Variants in CTBP1 observed in about 807,000 individuals in gnomAD.
CTBP1 encodes the protein C-terminal-binding protein 1.
Under a neutral mutation model 42.1 loss-of-function variants are expected in CTBP1, and 11 were observed. The observed-to-expected ratio is 0.26, with a 90% CI of 0.16 to 0.43. The LOEUF is 0.43. CTBP1 is among the 20% of genes least tolerant of loss of function. The probability of loss-of-function intolerance (pLI) is 1.00; values close to 1 mark genes in which losing one functional copy is unlikely to be tolerated. For synonymous variants in CTBP1, 324 were observed against 277.1 expected, an observed-to-expected ratio of 1.17 and a Z score of -1.68; for missense variants, 399 against 624.3, an observed-to-expected ratio of 0.64 and a Z score of 3.85.
intron 6 of CTBP1, among the ~76,000 whole-genome samples, chr4:1,215,025 C>T (rs1448471983): frequency 6.6e-6 from 1 of 152,248 alleles, no homozygotes; most frequent in African/African-American, 2.4e-5. Flanking sequence ...TCCTGCAGCC[C>T]CCCCATTTCA....
intron 4 of CTBP1, among the ~76,000 whole-genome samples, chr4:1,227,648 G>T (rs1171824899): frequency 1.3e-5 from 2 of 150,168 alleles, no homozygotes; most frequent in Non-Finnish European, 3.0e-5. Flanking sequence ...CTAACTGCAT[G>T]TGCATGGGTG....
intron 1 of CTBP1, chr4:1,244,701 C>A (rs536453530): frequency 1.7e-4 from 168 of 985,294 alleles, no homozygotes; most frequent in Non-Finnish European, 2.0e-4. Context: ...GCGGCCCTCA[C>A]CCTGCCCTGT....
chr4:1,223,080 C>CAA (rs1560244181), intron 5 of CTBP1, among the ~76,000 whole-genome samples: 5 of 109,092 alleles, frequency 4.6e-5, no homozygotes, highest in African/African-American at 1.7e-4. Context: ...GAGGCACCGC[C>CAA]CCCTGGACAA....
chr4:1,240,736 T>C (rs1286349394), intron 2 of CTBP1, among the ~76,000 whole-genome samples: 1 of 152,118 alleles, frequency 6.6e-6, no homozygotes, highest in Non-Finnish European at 1.5e-5. Flanking sequence ...AGGTGCCTCC[T>C]CACATCACCC....
At chr4:1,231,915 T>C (rs541721262) in intron 3 of CTBP1, among the ~76,000 whole-genome samples, 2 of 152,364 alleles carry the variant, frequency 1.3e-5, no homozygotes, top group East Asian at 1.9e-4. Context: ...CGGCGGTGCC[T>C]GCTGCACCTG....
chr4:1,225,520 G>T lies in CTBP1; in HGVS notation c.354C>A (p.Ala118=). 1 of 1,544,644 alleles carries T rather than the reference G, an allele frequency of 6.5e-7. No individual in the cohort carries two copies. Reference sequence around the variant, plus strand: ...TCAGGATGTGGCACAGCGTCGAGTCGGCCGTCTCCTCCACAGACGCCGCGG... The same window carrying T: ...TCAGGATGTGGCACAGCGTCGAGTCTGCCGTCTCCTCCACAGACGCCGCGG... ...NVPAASVEET[A]DSTLCHILNL... The change falls in exon 5 of 10, where the codon GCC becomes GCA. Residue 118 remains alanine, a synonymous_variant. Transcript: ENST00000382952.
chr4:1,230,705 G>A (rs1328470238), intron 3 of CTBP1, among the ~76,000 whole-genome samples: 6 of 152,364 alleles, frequency 3.9e-5, no homozygotes, highest in South Asian at 2.1e-4. Flanking sequence ...ATTCTGAACC[G>A]CGGCACGTCA....
intron 1 of CTBP1, chr4:1,241,861 G>A: frequency 3.5e-6 from 4 of 1,142,620 alleles, no homozygotes; most frequent in Non-Finnish European, 4.4e-6. Flanking sequence ...GGGGACGGAG[G>A]GCACAGGGTG....
chr4:1,216,497 C>T (rs1245942419), intron 5 of CTBP1: 4 of 559,702 alleles, frequency 7.1e-6, no homozygotes, highest in Non-Finnish European at 1.3e-5. Flanking sequence ...GTCCACAGGA[C>T]GTGACATGAA....
In CTBP1 at chr4:1,248,927, C is replaced by T; in HGVS notation, c.-200G>A. 2 of 1,011,084 alleles carry T rather than the reference C, an allele frequency of 2.0e-6. No homozygotes were observed. Among genetic ancestry groups the T allele is most frequent in the South Asian group, 3.1e-5 (1 of 32,418 alleles). 62.6% of individuals were successfully genotyped at this position (1,011,084 alleles called of 1,614,324 possible). ...GCGCGCGGCCTTACCAAGCGGCAGG[C>T]CCTTGTTGAGCAAGTGCGAGCTGCC... On this transcript the variant is annotated 5_prime_UTR_variant, in exon 1 of 10. Transcript: ENST00000382952.
chr4:1,249,596 A>T, upstream of CTBP1: 1 of 369,096 alleles, frequency 2.7e-6, no homozygotes, highest in Admixed American at 3.3e-5. Flanking sequence ...GAGGCTGGCC[A>T]GGGGCACCGA....
chr4:1,239,743 T>A (rs548756811), intron 2 of CTBP1, among the ~76,000 whole-genome samples: 1 of 152,338 alleles, frequency 6.6e-6, no homozygotes, highest in East Asian at 1.9e-4. Flanking sequence ...CGTGAGGTCC[T>A]CGCGCCCTGG....
intron 2 of CTBP1, among the ~76,000 whole-genome samples, chr4:1,239,158 G>A (rs965483548): frequency 1.3e-5 from 2 of 152,186 alleles, no homozygotes; most frequent in East Asian, 1.9e-4. Context: ...CATTCCTTTC[G>A]CGTATGACGC....
chr4:1,242,858 C>T, intron 1 of CTBP1: 2 of 985,428 alleles, frequency 2.0e-6, no homozygotes, highest in Non-Finnish European at 2.4e-6. Context: ...CACGAGCCAG[C>T]CTGGCCAGGG....
chr4:1,230,267 G>A (rs550986340), intron 3 of CTBP1, among the ~76,000 whole-genome samples: 5 of 152,314 alleles, frequency 3.3e-5, no homozygotes, highest in African/African-American at 9.6e-5. Context: ...AGCAGTGGGC[G>A]ACTGGTGCAC....
chr4:1,223,532 G>A, intron 5 of CTBP1: 1 of 455,600 alleles, frequency 2.2e-6, no homozygotes, highest in South Asian at 1.5e-5. Context: ...TGGGAAGCGG[G>A]GGGCCGGCCG....
At chr4:1,242,293 G>A in intron 1 of CTBP1, 1 of 985,304 alleles carries the variant, frequency 1.0e-6, no homozygotes, top group Non-Finnish European at 1.2e-6. Flanking sequence ...CCCACACCTG[G>A]CCCCTGCTCT....
At chr4:1,247,276 AG>A (rs971715505) in intron 1 of CTBP1, among the ~76,000 whole-genome samples, 2 of 152,152 alleles carry the variant, frequency 1.3e-5, no homozygotes, top group African/African-American at 4.8e-5. Context: ...AGGCACCCCC[AG>A]GAGTGACCAG....
At chr4:1,247,753 T>A (rs1354108620) in intron 1 of CTBP1, among the ~76,000 whole-genome samples, 1 of 35,798 alleles carries the variant, frequency 2.8e-5, no homozygotes, top group Non-Finnish European at 6.2e-5. Context: ...ACAGAAACGG[T>A]GGAGAGGCCG....
Sources: allele counts gnomAD v4.1 joint callset (sites outside exome capture counted in the v4.1 genomes callset), GRCh38; gene constraint gnomAD v4.1.1; transcripts MANE v1.5; gene names NCBI Gene and HGNC (gene_info 2026-07-23, HGNC 2026-07-21).